The following PTPRD variants were observed in gnomAD, a reference collection of about 807,000 sequenced individuals.
PTPRD encodes receptor-type tyrosine-protein phosphatase delta.
In PTPRD, 34 loss-of-function variants were observed where a neutral mutation model predicts 214.5. The observed-to-expected ratio is 0.16, with a 90% CI of 0.12 to 0.21. PTPRD has a LOEUF of 0.21. PTPRD is among the 10% of genes least tolerant of loss of function. The probability of loss-of-function intolerance (pLI) is 1.00; values close to 1 mark genes in which losing one functional copy is unlikely to be tolerated. For synonymous variants in PTPRD, 1,128 were observed against 845.7 expected (o/e 1.33, Z -5.79); for missense variants, 2,545 against 2,398.7 (o/e 1.06, Z -1.27).
chr9:8,663,896 TA>T (rs58779294), intron 12 of PTPRD, among the ~76,000 whole-genome samples: 27,011 of 144,730 alleles, frequency 0.19, 3,129 homozygotes, highest in African/African-American at 0.35. Flanking sequence ...CAAAGTGCAT[TA>T]AAAAAAAAAA....
chr9:9,272,215 T>G (rs573459354), intron 9 of PTPRD, among the ~76,000 whole-genome samples: 6 of 151,386 alleles, frequency 4.0e-5, no homozygotes, highest in Non-Finnish European at 5.9e-5. Flanking sequence ...AAGAAATTAC[T>G]CTGATATGTG....
chr9:9,964,743 C>T (rs969883178), intron 4 of PTPRD, among the ~76,000 whole-genome samples: 7 of 152,008 alleles, frequency 4.6e-5, no homozygotes, highest in African/African-American at 1.4e-4. Context: ...TTTTTATCTC[C>T]ATTGCTTATA....
intron 2 of PTPRD, among the ~76,000 whole-genome samples, chr9:10,553,738 G>A (rs2784612): frequency 0.14 from 21,193 of 151,976 alleles, 2,145 homozygotes; most frequent in East Asian, 0.49. Context: ...GAGAGAGAAG[G>A]AGAAAGAACT....
intron 7 of PTPRD, among the ~76,000 whole-genome samples, chr9:9,613,127 CATACATACAT>C (rs1410344175): frequency 5.1e-5 from 2 of 39,118 alleles, no homozygotes; most frequent in Admixed American, 3.5e-4. Context: ...CTGCAGTATA[CATACATACAT>C]ATATATATAT....
chr9:8,655,731 C>A (rs1188053909), intron 12 of PTPRD, among the ~76,000 whole-genome samples: 1 of 150,818 alleles, frequency 6.6e-6, no homozygotes, highest in Non-Finnish European at 1.5e-5. Context: ...CTCAACCATT[C>A]CCACTTGCTT....
intron 2 of PTPRD, among the ~76,000 whole-genome samples, chr9:10,381,347 A>G (rs2097821170): frequency 6.6e-6 from 1 of 152,046 alleles, no homozygotes; most frequent in South Asian, 2.1e-4. Flanking sequence ...GTATTCATTT[A>G]ACCACCAAAT....
intron 12 of PTPRD, among the ~76,000 whole-genome samples, chr9:8,675,689 C>A (rs1335959668): frequency 3.9e-5 from 6 of 152,064 alleles, no homozygotes; most frequent in African/African-American, 1.2e-4. Context: ...CTTGTGGACC[C>A]ATCATCTCAC....
At chr9:10,060,170 A>G (rs2097732032) in intron 3 of PTPRD, among the ~76,000 whole-genome samples, 1 of 152,070 alleles carries the variant, frequency 6.6e-6, no homozygotes, top group South Asian at 2.1e-4. Flanking sequence ...CTTAAACTTG[A>G]TGATAATAAC....
At chr9:8,659,146 G>A (rs1208067597) in intron 12 of PTPRD, among the ~76,000 whole-genome samples, 1 of 152,126 alleles carries the variant, frequency 6.6e-6, no homozygotes, top group Non-Finnish European at 1.5e-5. Context: ...CTGAATGAGA[G>A]GGGCATGATA....
chr9:8,941,707 C>A (rs2099034886), intron 11 of PTPRD, among the ~76,000 whole-genome samples: 1 of 152,118 alleles, frequency 6.6e-6, no homozygotes. Flanking sequence ...GTGGCTGAAA[C>A]AGATCTCACA....
intron 10 of PTPRD, among the ~76,000 whole-genome samples, chr9:9,133,524 TAAAC>T (rs1025795211): frequency 5.3e-5 from 8 of 152,184 alleles, no homozygotes; most frequent in African/African-American, 9.7e-5. Context: ...AAATATTTCA[TAAAC>T]AAAGTAATGT....
chr9:8,679,480 C>T (rs2097507072), intron 12 of PTPRD, among the ~76,000 whole-genome samples: 1 of 152,148 alleles, frequency 6.6e-6, no homozygotes, highest in African/African-American at 2.4e-5. Context: ...TCACCACTTG[C>T]GGGTATCTAT....
At chr9:8,543,872 C>T (rs987371352) in intron 14 of PTPRD, among the ~76,000 whole-genome samples, 3 of 151,920 alleles carry the variant, frequency 2.0e-5, no homozygotes, top group Non-Finnish European at 2.9e-5. Flanking sequence ...CCACAACACC[C>T]GGCTAATTTT....
Position 10,277,197 on chromosome 9 carries a change from AAACATAAACATAAACATAC to A in PTPRD, c.-545+63747_-545+63765del, listed in dbSNP as rs1422881072. Among the ~76,000 whole-genome samples, 54 of 152,150 alleles carry A rather than the reference AAACATAAACATAAACATAC, an allele frequency of 3.5e-4. 2 individuals carry two copies. Among genetic ancestry groups the A allele is most frequent in the Non-Finnish European group, 7.5e-4 (51 of 67,986 alleles). ...TTAGTAAAAAAACAACATAAACATA[AAACATAAACATAAACATAC>A]AACATAAACATAAACATAAAACATA... On this transcript the variant is annotated intron_variant, in intron 3 of 45. Coordinates refer to ENST00000381196, the MANE Select transcript of PTPRD (RefSeq NM_002839.4).
At chr9:8,903,138 A>G (rs1396369701) in intron 11 of PTPRD, among the ~76,000 whole-genome samples, 1 of 149,598 alleles carries the variant, frequency 6.7e-6, no homozygotes, top group African/African-American at 2.5e-5. Context: ...TTAGGGATCT[A>G]TCTTATTCTT....
In PTPRD at chr9:10,316,163, C is replaced by CTATGTATA. The variant is rs1381831612; in HGVS notation, c.-545+24792_-545+24799dup. Among the ~76,000 whole-genome samples the CTATGTATA allele has an allele frequency of 1.6e-3, 176 of 110,572 alleles. 1 individual carries two copies. The highest frequency in any genetic ancestry group is 7.7e-3 in the African/African-American group (171 of 22,108). 72.5% of individuals were successfully genotyped at this position (110,572 alleles called of 152,430 possible). ...CACATACATATGTATATATGTATAT[C>CTATGTATA]TATGTATATATACATAGATATACAT... On this transcript the variant is annotated intron_variant, in intron 3 of 45. Coordinates refer to ENST00000381196, the MANE Select transcript of PTPRD (RefSeq NM_002839.4).
intron 11 of PTPRD, among the ~76,000 whole-genome samples, chr9:8,800,703 G>A (rs184681037): frequency 1.3e-5 from 2 of 152,282 alleles, no homozygotes; most frequent in Admixed American, 6.5e-5. Context: ...TCTGTCTATG[G>A]AGTAGCCATT....
At chr9:8,388,657 T>G (rs1026552486) in intron 37 of PTPRD, among the ~76,000 whole-genome samples, 1 of 152,222 alleles carries the variant, frequency 6.6e-6, no homozygotes, top group Non-Finnish European at 1.5e-5. Context: ...ACTCCATTAT[T>G]AAAATCTACT....
At chr9:9,448,888 C>G (rs889849686) in intron 8 of PTPRD, among the ~76,000 whole-genome samples, 3 of 151,996 alleles carry the variant, frequency 2.0e-5, no homozygotes, top group African/African-American at 7.2e-5. Flanking sequence ...GCCTCGTCTT[C>G]CATCAGCAAC....
Sources: gnomAD v4.1 joint callset for allele counts (sites outside exome capture counted in the v4.1 genomes callset) on GRCh38, gnomAD v4.1.1 for gene constraint, MANE v1.5 for transcripts, NCBI Gene and HGNC (gene_info 2026-07-23, HGNC 2026-07-21) for gene names.